KCNT2: variants seen among roughly 807,000 people sequenced by gnomAD.
KCNT2 encodes potassium sodium-activated channel subfamily T member 2, also known as potassium channel subfamily T member 2.
In KCNT2, 67 loss-of-function variants were observed where a neutral mutation model predicts 153.8. The observed-to-expected ratio is 0.44, with a 90% confidence interval of 0.36 to 0.53. The LOEUF (loss-of-function observed/expected upper bound fraction) is 0.53. KCNT2 is among the 20% of genes least tolerant of loss of function. The pLI is 0.00. For missense variants in KCNT2, 975 were observed against 1,354.8 expected, an observed-to-expected ratio of 0.72 and a Z score of 4.40; for synonymous variants, 500 against 458.8, an observed-to-expected ratio of 1.09 and a Z score of -1.15.
intron 1 of KCNT2, among the ~76,000 whole-genome samples, chr1:196,531,353 C>A (rs1222152314): frequency 2.0e-5 from 3 of 152,002 alleles, no homozygotes; most frequent in African/African-American, 7.2e-5. Context: ...TAAAAGAAGA[C>A]GAACTTTGTA....
intron 13 of KCNT2, among the ~76,000 whole-genome samples, chr1:196,391,424 G>A (rs1670482134): frequency 6.6e-6 from 1 of 151,262 alleles, no homozygotes; most frequent in African/African-American, 2.4e-5. Flanking sequence ...AATACCATAG[G>A]CATAGGATAT....
intron 13 of KCNT2, among the ~76,000 whole-genome samples, chr1:196,390,209 G>T (rs963100455): frequency 2.0e-5 from 3 of 151,310 alleles, no homozygotes; most frequent in African/African-American, 7.3e-5. Flanking sequence ...ACTTTTCTAA[G>T]TGGATCTTTT....
chr1:196,531,456 C>T lies in KCNT2; in HGVS notation c.96-39115G>A, dbSNP rs868658197. Among the ~76,000 whole-genome samples the T allele has an allele frequency of 2.0e-5, 3 of 151,992 alleles. 1 individual carries two copies. The highest frequency in any genetic ancestry group is 6.8e-3 in the Middle Eastern group (2 of 294). ...TAACTGTTCTGCGACTCTATTTCCT[C>T]GAGGTAAAATGGAGGTAACGGCTCC... On this transcript the variant is annotated intron_variant, in intron 1 of 27. Transcript: ENST00000294725.
intron 20 of KCNT2, among the ~76,000 whole-genome samples, chr1:196,316,338 AAT>A (rs1662719503): frequency 6.6e-6 from 1 of 151,718 alleles, no homozygotes; most frequent in Admixed American, 6.6e-5. Flanking sequence ...TTTGCAATAA[AAT>A]AGAGCATATT....
At chr1:196,509,700 T>A (rs1167824298) in intron 1 of KCNT2, among the ~76,000 whole-genome samples, 1 of 152,172 alleles carries the variant, frequency 6.6e-6, no homozygotes, top group East Asian at 1.9e-4. Flanking sequence ...GTTCTTCAAG[T>A]GTCATAGGTG....
chr1:196,317,937 T>C (rs1662888739), intron 20 of KCNT2, among the ~76,000 whole-genome samples: 1 of 151,750 alleles, frequency 6.6e-6, no homozygotes, highest in African/African-American at 2.4e-5. Flanking sequence ...ATGTGGAAGC[T>C]TTTTAATTAT....
At chr1:196,400,942 C>T (rs1176311918) in intron 12 of KCNT2, among the ~76,000 whole-genome samples, 2 of 151,760 alleles carry the variant, frequency 1.3e-5, no homozygotes, top group East Asian at 3.9e-4. Flanking sequence ...GTTACCACAA[C>T]AGCACAAGTT....
At chr1:196,569,021 G>A (rs1660462690) in intron 1 of KCNT2, among the ~76,000 whole-genome samples, 1 of 152,122 alleles carries the variant, frequency 6.6e-6, no homozygotes, top group Admixed American at 6.5e-5. Flanking sequence ...TGCTGTGAGT[G>A]TGAATCATTG....
intron 8 of KCNT2, among the ~76,000 whole-genome samples, chr1:196,451,343 C>G (rs1351975896): frequency 7.0e-6 from 1 of 142,728 alleles, no homozygotes; most frequent in Non-Finnish European, 1.5e-5. Flanking sequence ...CAGGTTCAGG[C>G]AATTCTTATG....
At chr1:196,338,865 A>T (rs1479534027) in intron 16 of KCNT2, among the ~76,000 whole-genome samples, 1 of 143,406 alleles carries the variant, frequency 7.0e-6, no homozygotes, top group Non-Finnish European at 1.5e-5. Flanking sequence ...TTGGTTAATG[A>T]TGAGGTATGA....
chr1:196,507,988 T>C (rs1317101085), intron 1 of KCNT2, among the ~76,000 whole-genome samples: 1 of 151,402 alleles, frequency 6.6e-6, no homozygotes, highest in Non-Finnish European at 1.5e-5. Context: ...ATATTAAGAC[T>C]TATTAGGATG....
chr1:196,313,043 A>G (rs1265787765), intron 21 of KCNT2, among the ~76,000 whole-genome samples: 3 of 151,684 alleles, frequency 2.0e-5, no homozygotes, highest in African/African-American at 7.2e-5. Context: ...AGTTGAGATC[A>G]GTGTCAGTGT....
intron 1 of KCNT2, among the ~76,000 whole-genome samples, chr1:196,518,465 G>GGCAA (rs1165752695): frequency 7.9e-6 from 1 of 126,424 alleles, no homozygotes; most frequent in African/African-American, 3.0e-5. Context: ...AGTACAAAGT[G>GGCAA]GCAAGCTGGA....
chr1:196,502,749 G>GA (rs1680803650), intron 1 of KCNT2, among the ~76,000 whole-genome samples: 1 of 152,048 alleles, frequency 6.6e-6, no homozygotes, highest in Admixed American at 6.6e-5. Flanking sequence ...TTTTCAGTTA[G>GA]AAAACTCACA....
chr1:196,495,588 T>A (rs1680189625), intron 1 of KCNT2, among the ~76,000 whole-genome samples: 1 of 152,074 alleles, frequency 6.6e-6, no homozygotes, highest in South Asian at 2.1e-4. Flanking sequence ...TGAATTTACT[T>A]ACATCTAGTA....
At chr1:196,558,445 T>A (rs1209685997) in intron 1 of KCNT2, among the ~76,000 whole-genome samples, 2 of 151,042 alleles carry the variant, frequency 1.3e-5, no homozygotes, top group African/African-American at 4.8e-5. Context: ...TTGGGGGGTG[T>A]TTTTTACTTG....
intron 13 of KCNT2, among the ~76,000 whole-genome samples, chr1:196,378,349 A>G (rs1669148962): frequency 1.3e-5 from 2 of 152,066 alleles, no homozygotes; most frequent in African/African-American, 4.8e-5. Flanking sequence ...TAATGTGCAT[A>G]TTGCTAGATT....
At chr1:196,269,289 C>G (rs1337897216) in intron 25 of KCNT2, among the ~76,000 whole-genome samples, 3 of 152,128 alleles carry the variant, frequency 2.0e-5, no homozygotes, top group Non-Finnish European at 4.4e-5. Context: ...GGCATGATTT[C>G]CATACTATTT....
chr1:196,400,214 A>G (rs1182215254), intron 12 of KCNT2, among the ~76,000 whole-genome samples: 4 of 151,894 alleles, frequency 2.6e-5, no homozygotes, highest in East Asian at 3.9e-4. Context: ...GGTTATAGAT[A>G]ACTTAATGGA....
Sources: allele counts gnomAD v4.1 joint callset (sites outside exome capture counted in the v4.1 genomes callset), GRCh38; gene constraint gnomAD v4.1.1; transcripts MANE v1.5; gene names NCBI Gene and HGNC (gene_info 2026-07-23, HGNC 2026-07-21).